Variants in MAP4K4 observed in about 807,000 individuals in gnomAD.
The protein encoded by MAP4K4 is HPK/GCK-like kinase HGK.
Under a neutral mutation model 189.6 loss-of-function variants are expected in MAP4K4, and 38 were observed. The observed-to-expected ratio is 0.20, with a 90% CI of 0.15 to 0.26. MAP4K4 has a LOEUF of 0.26. MAP4K4 is among the 10% of genes least tolerant of loss of function. MAP4K4 has a pLI of 1.00. For synonymous variants in MAP4K4, 610 were observed against 624.3 expected, an observed-to-expected ratio of 0.98 and a Z score of 0.34; for missense variants, 1,054 against 1,726.9, an observed-to-expected ratio of 0.61 and a Z score of 6.91.
At position 101,834,517 on chromosome 2, in the gene MAP4K4, T is replaced by C. The variant is rs2096686764; in HGVS notation, c.694+54T>C. Reference sequence around the variant, plus strand: ...ACTTGTTACATGTGACTTAAACCCCTCCCAAGACTTCAAAAAGAACAGCTC... The same window carrying C: ...ACTTGTTACATGTGACTTAAACCCCCCCCAAGACTTCAAAAAGAACAGCTC... On this transcript the variant is annotated intron_variant, in intron 8 of 32. Transcript: ENST00000324219. The C allele has an allele frequency of 2.2e-6, 3 of 1,384,262 alleles. No individual in the cohort carries two copies. The African/African-American group carries it at 4.3e-5, about 20-fold the overall frequency. 85.7% of individuals were successfully genotyped at this position (1,384,262 alleles called of 1,614,324 possible). A position where few individuals can be genotyped will look rare whatever the true frequency, so the allele number is the denominator to read the frequency against.
intron 4 of MAP4K4, among the ~76,000 whole-genome samples, chr2:101,824,879 TTTA>T (rs1315466052): frequency 6.6e-6 from 1 of 152,236 alleles, no homozygotes; most frequent in African/African-American, 2.4e-5. Context: ...AATACCATTT[TTTA>T]TTCACATTAG....
chr2:101,778,515 G>A (rs2085538422), intron 2 of MAP4K4, among the ~76,000 whole-genome samples: 2 of 152,022 alleles, frequency 1.3e-5, no homozygotes, highest in South Asian at 4.1e-4. Flanking sequence ...GCTTTGGGGG[G>A]ATACCTTGGC....
chr2:101,700,398 C>G (rs2037731635), intron 2 of MAP4K4, among the ~76,000 whole-genome samples: 1 of 152,194 alleles, frequency 6.6e-6, no homozygotes, highest in Non-Finnish European at 1.5e-5. Flanking sequence ...CATGACACAG[C>G]TCTCTGACTA....
chr2:101,745,757 A>C (rs2065164482), intron 2 of MAP4K4, among the ~76,000 whole-genome samples: 1 of 152,058 alleles, frequency 6.6e-6, no homozygotes, highest in Non-Finnish European at 1.5e-5. Context: ...CTGGTTGTGC[A>C]TTACTAAATT....
rs35922398 is a variant in MAP4K4, at chr2:101,760,503, A to AATATAT, written c.124-30202_124-30197dup. 1.2e-3 allele frequency among the ~76,000 whole-genome samples: 159 copies of AATATAT among 133,072 alleles called. 1 individual carries two copies. The highest frequency in any genetic ancestry group is 4.2e-3 in the African/African-American group (144 of 34,238). The allele number at this position is 133,072 out of a possible 152,430, so 87.3% of individuals were successfully genotyped here. ...ACTCCATCTCAAAAAAAAAAAACAA[A>AATATAT]ATATATATATATATATATATGTATA... On this transcript the variant is annotated intron_variant, in intron 2 of 32. Coordinates refer to ENST00000324219, the Ensembl canonical transcript of MAP4K4.
chr2:101,809,266 C>G (rs773725288), intron 3 of MAP4K4, among the ~76,000 whole-genome samples: 5 of 151,626 alleles, frequency 3.3e-5, no homozygotes, highest in Non-Finnish European at 7.4e-5. Flanking sequence ...GACAATGTGG[C>G]TTTTAGATTG....
chr2:101,856,593 T>C (rs893483131), intron 13 of MAP4K4, among the ~76,000 whole-genome samples: 11 of 152,240 alleles, frequency 7.2e-5, no homozygotes, highest in Non-Finnish European at 1.3e-4. Context: ...CATGTAATTC[T>C]GTATATACAC....
At position 101,837,126 on chromosome 2, in the gene MAP4K4, T is replaced by C. The variant is rs150809994; in HGVS notation, c.773+1148T>C. ...TTTTTTTTTTTTTTTGAAACAGTTC[T>C]TACTAGTTTTCCAATTGATGCTGCC... On this transcript the variant is annotated intron_variant, in intron 9 of 32. Coordinates refer to ENST00000324219, the Ensembl canonical transcript of MAP4K4. Among the ~76,000 whole-genome samples, 139 of 151,092 alleles carry C rather than the reference T, an allele frequency of 9.2e-4. 1 individual carries two copies. The highest frequency in any genetic ancestry group is 1.4e-3 in the East Asian group (7 of 5,144).
chr2:101,776,019 T>G (rs946695551), intron 2 of MAP4K4, among the ~76,000 whole-genome samples: 1 of 152,186 alleles, frequency 6.6e-6, no homozygotes, highest in Non-Finnish European at 1.5e-5. Flanking sequence ...CGTGGTGGTG[T>G]TTTGGAGGGC....
chr2:101,875,785 G>A (rs923358665), intron 26 of MAP4K4, among the ~76,000 whole-genome samples: 1 of 152,192 alleles, frequency 6.6e-6, no homozygotes, highest in Non-Finnish European at 1.5e-5. Context: ...AGCATTTGGG[G>A]AAATACATGA....
chr2:101,714,255 T>C (rs1207400108), intron 2 of MAP4K4, among the ~76,000 whole-genome samples: 1 of 152,246 alleles, frequency 6.6e-6, no homozygotes, highest in Non-Finnish European at 1.5e-5. Context: ...AAAGAGGAAC[T>C]ACCTGAACAC....
At chr2:101,831,831 G>C in exon 7 of MAP4K4, 1 of 1,613,172 alleles carries the variant, frequency 6.2e-7, no homozygotes, top group South Asian at 1.1e-5. Context: ...TGAGAACCCA[G>C]ATGCCACCTA....
intron 2 of MAP4K4, among the ~76,000 whole-genome samples, chr2:101,787,633 A>G (rs1246149247): frequency 6.6e-6 from 1 of 152,154 alleles, no homozygotes; most frequent in Non-Finnish European, 1.5e-5. Flanking sequence ...CTCTTGGTGT[A>G]GCTTCCTTAG....
intron 2 of MAP4K4, among the ~76,000 whole-genome samples, chr2:101,748,087 G>A (rs1315927051): frequency 1.3e-5 from 2 of 152,162 alleles, no homozygotes; most frequent in Non-Finnish European, 2.9e-5. Context: ...TTATTCAGAG[G>A]AGTAGCCACA....
intron 12 of MAP4K4, among the ~76,000 whole-genome samples, chr2:101,850,717 C>G (rs748615670): frequency 1.2e-4 from 18 of 152,186 alleles, no homozygotes; most frequent in Non-Finnish European, 2.6e-4. Flanking sequence ...CAGAAGGTGG[C>G]TGGCTTGCAT....
At chr2:101,791,219 A>G (rs1436648179) in intron 3 of MAP4K4, among the ~76,000 whole-genome samples, 1 of 152,160 alleles carries the variant, frequency 6.6e-6, no homozygotes, top group Non-Finnish European at 1.5e-5. Flanking sequence ...GACCCAGCCA[A>G]GTTCCCAGAG....
At chr2:101,825,524 T>C in intron 5 of MAP4K4, 95 bp downstream of exon 5, 2 of 674,776 alleles carry the variant, frequency 3.0e-6, no homozygotes, top group Non-Finnish European at 5.0e-6. Context: ...ATTACTTATA[T>C]CTATATAGAT....
chr2:101,865,342 G>A (rs1270339818), intron 18 of MAP4K4, among the ~76,000 whole-genome samples: 1 of 152,134 alleles, frequency 6.6e-6, no homozygotes, highest in Non-Finnish European at 1.5e-5. Context: ...GTGATCGGGG[G>A]GAGCTTTTCA....
rs1296170896 is a variant in MAP4K4, at chr2:101,869,848, G to A, written c.2639+51G>A. On this transcript the variant is annotated intron_variant, in intron 22 of 32. Coordinates refer to ENST00000324219, the Ensembl canonical transcript of MAP4K4. ...GGATGAGAGTATTCTCTCAGAGCCTGCTTTCCACTGGGACCTAGTTGTTCC... is the reference window on the plus strand; with the variant it reads ...GGATGAGAGTATTCTCTCAGAGCCTACTTTCCACTGGGACCTAGTTGTTCC... 3.4e-6 allele frequency: 5 copies of A among 1,467,810 alleles called. No homozygotes were observed. In the African/African-American group the frequency reaches 4.3e-5, roughly 13 times the overall value. The allele number at this position is 1,467,810 out of a possible 1,614,324, so 90.9% of individuals were successfully genotyped here.
Sources: gnomAD v4.1 joint callset for allele counts (sites outside exome capture counted in the v4.1 genomes callset) on GRCh38, gnomAD v4.1.1 for gene constraint, MANE v1.5 for transcripts, NCBI Gene and HGNC (gene_info 2026-07-23, HGNC 2026-07-21) for gene names.